CACNG4: variants seen among roughly 807,000 people sequenced by gnomAD.
CACNG4 encodes the protein voltage-dependent calcium channel gamma-4 subunit.
In CACNG4, 8 loss-of-function variants were observed where a neutral mutation model predicts 22.9. The observed-to-expected ratio is 0.35, with a 90% confidence interval of 0.21 to 0.63. The LOEUF (loss-of-function observed/expected upper bound fraction) is 0.63. CACNG4 is among the 30% of genes least tolerant of loss of function. The pLI, the probability that CACNG4 is intolerant of heterozygous loss-of-function variation, is 0.72. For synonymous variants in CACNG4, 188 were observed against 191.9 expected, an observed-to-expected ratio of 0.98 and a Z score of 0.17; for missense variants, 357 against 455.4, an observed-to-expected ratio of 0.78 and a Z score of 1.97.
rs533986907 is a variant in CACNG4, at chr17:67,014,618, G to A, written c.221-3571G>A. ...GGAACAAGCCCAGAGGAGGGAGCCA[G>A]GGAGAAGGCACTTGAAACCGCCAGT... On this transcript the variant is annotated intron_variant, in intron 1 of 3. Coordinates refer to ENST00000262138, the MANE Select transcript of CACNG4 (RefSeq NM_014405.4). Among the ~76,000 whole-genome samples, 497 of 151,976 alleles carry A rather than the reference G, an allele frequency of 3.3e-3. 6 individuals are homozygous for A. The highest frequency in any genetic ancestry group is 0.017 in the Middle Eastern group (5 of 294).
chr17:66,992,198 G>C (rs2035345224), intron 1 of CACNG4, among the ~76,000 whole-genome samples: 1 of 151,518 alleles, frequency 6.6e-6, no homozygotes, highest in African/African-American at 2.4e-5. Context: ...TCTCACCCTT[G>C]AGTACCTAAT....
chr17:66,975,703 G>A (rs886433517), intron 1 of CACNG4, among the ~76,000 whole-genome samples: 2 of 152,204 alleles, frequency 1.3e-5, no homozygotes, highest in Non-Finnish European at 2.9e-5. Flanking sequence ...GCAGGGTCCA[G>A]GAATGGAAGA....
At chr17:67,016,102 AG>A (rs2035495787) in intron 1 of CACNG4, among the ~76,000 whole-genome samples, 1 of 152,136 alleles carries the variant, frequency 6.6e-6, no homozygotes, top group South Asian at 2.1e-4. Context: ...TAGATCCAAC[AG>A]CAGCAACCCC....
chr17:67,025,007 CG>C lies in CACNG4; in HGVS notation c.445+8del. 6.3e-7 allele frequency: 1 copy of C among 1,580,226 alleles called. No homozygotes were observed. ...ATCCTCTTCGTGGCTGCAGGTGAGC[CG>C]CCCGCCCGGGCTGGTGCTGGGCCGG... On this transcript the variant is annotated splice_region_variant and intron_variant, in intron 3 of 3. Transcript: ENST00000262138.
At chr17:67,006,638 C>A (rs1026332733) in intron 1 of CACNG4, among the ~76,000 whole-genome samples, 24 of 152,172 alleles carry the variant, frequency 1.6e-4, no homozygotes, top group African/African-American at 5.8e-4. Flanking sequence ...ATTCCACAAA[C>A]CTGCTCCTTG....
chr17:67,018,842 C>T (rs1236928667), intron 2 of CACNG4, among the ~76,000 whole-genome samples: 1 of 152,074 alleles, frequency 6.6e-6, no homozygotes, highest in Non-Finnish European at 1.5e-5. Flanking sequence ...TTTTCAGCAC[C>T]GCCTCTGCCC....
Position 67,027,709 on chromosome 17 carries a change from A to G in CACNG4, c.445+2709A>G, listed in dbSNP as rs898802187. Reference sequence around the variant, plus strand: ...GAAGAAAACACAAAGCTAGGGAAGCAGCAAGAGAGAGATCAGAGGGGAGAC... The same window carrying G: ...GAAGAAAACACAAAGCTAGGGAAGCGGCAAGAGAGAGATCAGAGGGGAGAC... On this transcript the variant is annotated intron_variant, in intron 3 of 3. Coordinates refer to ENST00000262138, the MANE Select transcript of CACNG4 (RefSeq NM_014405.4). This position sits in a 1 kb window ranked among gnomAD's most constrained non-coding sequence, Gnocchi z 4.3. Among the ~76,000 whole-genome samples, 1 of 152,224 alleles carries G rather than the reference A, an allele frequency of 6.6e-6. No individual in the cohort carries two copies. Among genetic ancestry groups the G allele is most frequent in the African/African-American group, 2.4e-5 (1 of 41,472 alleles).
intron 1 of CACNG4, among the ~76,000 whole-genome samples, chr17:66,995,710 T>C (rs553376843): frequency 6.6e-6 from 1 of 151,866 alleles, no homozygotes; most frequent in Non-Finnish European, 1.5e-5. Flanking sequence ...ATTAGCTGGG[T>C]GTGATGGTGG....
At chr17:67,000,352 C>T (rs2035400736) in intron 1 of CACNG4, among the ~76,000 whole-genome samples, 1 of 152,174 alleles carries the variant, frequency 6.6e-6, no homozygotes. Context: ...CCACCAAGCC[C>T]CACGCCTGGG....
At chr17:67,006,003 G>A (rs1442752883) in intron 1 of CACNG4, among the ~76,000 whole-genome samples, 2 of 152,164 alleles carry the variant, frequency 1.3e-5, no homozygotes, top group South Asian at 2.1e-4. Flanking sequence ...CAAGGGGCCC[G>A]ACATTATCCC....
chr17:66,988,641 T>G (rs1266867890), intron 1 of CACNG4, among the ~76,000 whole-genome samples: 1 of 152,008 alleles, frequency 6.6e-6, no homozygotes, highest in Non-Finnish European at 1.5e-5. Context: ...TCTGCTGCTC[T>G]CCAGAGGCTC....
At chr17:67,017,586 T>C (rs140489661) in intron 1 of CACNG4, among the ~76,000 whole-genome samples, 4,748 of 151,760 alleles carry the variant, frequency 0.031, 242 homozygotes, top group African/African-American at 0.11. Flanking sequence ...GGCGCGATCT[T>C]GGCTCACTGC....
intron 3 of CACNG4, among the ~76,000 whole-genome samples, chr17:67,026,928 G>A (rs75275457): frequency 8.5e-5 from 11 of 129,072 alleles, no homozygotes; most frequent in African/African-American, 1.2e-4. Flanking sequence ...CCCAGTGCCC[G>A]CCACCTGCTC....
At chr17:67,024,671 G>A (rs1460833634) in intron 2 of CACNG4, among the ~76,000 whole-genome samples, 189 bp from the exon 3 acceptor site, 1 of 152,224 alleles carries the variant, frequency 6.6e-6, no homozygotes, top group African/African-American at 2.4e-5. Flanking sequence ...GCCCCCACTT[G>A]CATCTGATCC....
intron 1 of CACNG4, among the ~76,000 whole-genome samples, chr17:66,988,051 GTGTATA>G (rs1215150452): frequency 6.7e-6 from 1 of 149,902 alleles, no homozygotes; most frequent in African/African-American, 2.5e-5. Context: ...GTGTGTGTGT[GTGTATA>G]TATATATATA....
chr17:66,978,922 T>C (rs563155386), intron 1 of CACNG4, among the ~76,000 whole-genome samples: 2 of 152,324 alleles, frequency 1.3e-5, no homozygotes, highest in African/African-American at 4.8e-5. Context: ...TGCTCAACCG[T>C]TTGGAGGATC....
chr17:67,031,112 G>T lies in CACNG4; in HGVS notation c.*108G>T, dbSNP rs193181650. 98 of 1,262,536 alleles carry T rather than the reference G, an allele frequency of 7.8e-5. No individual in the cohort carries two copies. In the East Asian group the frequency reaches 1.9e-3, roughly 25 times the overall value. 78.2% of individuals were successfully genotyped at this position (1,262,536 alleles called of 1,614,324 possible). A position where few individuals can be genotyped will look rare whatever the true frequency, so the allele number is the denominator to read the frequency against. On this transcript the variant is annotated 3_prime_UTR_variant, in exon 4 of 4. Transcript: ENST00000262138. This position sits in a 1 kb window ranked among gnomAD's most constrained non-coding sequence, Gnocchi z 4.0. ...GACGAACAATGAACTAAAGCCAAAT[G>T]CAGCCCTCCCTGGCCTCCAGAGGTG...
chr17:66,980,620 CTTTTT>C (rs67051865), intron 1 of CACNG4, among the ~76,000 whole-genome samples: 3 of 107,028 alleles, frequency 2.8e-5, no homozygotes, highest in African/African-American at 4.0e-5. Context: ...TGTGTAAATT[CTTTTT>C]TTTTTTTTTT....
At chr17:66,994,324 T>C (rs1487471493) in intron 1 of CACNG4, among the ~76,000 whole-genome samples, 1 of 127,632 alleles carries the variant, frequency 7.8e-6, no homozygotes, top group Non-Finnish European at 1.7e-5. Context: ...GAGACCCTAT[T>C]TCCAAAAAAA....
Sources: gnomAD v4.1 joint callset for allele counts (sites outside exome capture counted in the v4.1 genomes callset) on GRCh38, gnomAD v4.1.1 for gene constraint, Gnocchi (gnomAD v3.1) non-coding constraint, MANE v1.5 for transcripts, NCBI Gene and HGNC (gene_info 2026-07-23, HGNC 2026-07-21) for gene names.